The following ANK2 variants were observed in gnomAD, a reference collection of about 807,000 sequenced individuals.
The protein encoded by ANK2 is ankyrin 2, also known as ankyrin-2.
In ANK2, 83 loss-of-function variants were observed where a neutral mutation model predicts 360.5. The observed-to-expected ratio is 0.23, with a 90% CI of 0.19 to 0.28. ANK2 has a LOEUF of 0.28. ANK2 is among the 10% of genes least tolerant of loss of function. ANK2 has a pLI of 1.00. For synonymous variants in ANK2, 1,740 were observed against 1,759.5 expected (o/e 0.99, Z 0.28); for missense variants, 4,201 against 4,795.7 (o/e 0.88, Z 3.66).
At chr4:113,171,535 G>T (rs1255145956) in intron 1 of ANK2, among the ~76,000 whole-genome samples, 4 of 151,990 alleles carry the variant, frequency 2.6e-5, no homozygotes, top group African/African-American at 9.7e-5. Context: ...TCACTTTGGG[G>T]GAAACCAAAT....
intron 1 of ANK2, among the ~76,000 whole-genome samples, chr4:113,069,378 C>T (rs1166928950): frequency 6.6e-6 from 1 of 152,186 alleles, no homozygotes; most frequent in African/African-American, 2.4e-5. Flanking sequence ...TCCAGGTCTC[C>T]AGCACAGGCT....
intron 2 of ANK2, among the ~76,000 whole-genome samples, chr4:112,925,277 G>C (rs2092379508): frequency 6.6e-6 from 1 of 152,102 alleles, no homozygotes; most frequent in Non-Finnish European, 1.5e-5. Context: ...AGAAAGAAAA[G>C]AGCAAAGAAT....
chr4:113,276,157 G>A (rs1278854563), intron 15 of ANK2, among the ~76,000 whole-genome samples: 1 of 151,912 alleles, frequency 6.6e-6, no homozygotes. Flanking sequence ...TAGCCAGGAT[G>A]GACTCGATCT....
At chr4:113,035,194 G>A (rs1244402996) in intron 2 of ANK2, among the ~76,000 whole-genome samples, 1 of 151,596 alleles carries the variant, frequency 6.6e-6, no homozygotes, top group East Asian at 1.9e-4. Context: ...TGTGCTGCAG[G>A]TGGGTTGGGA....
intron 2 of ANK2, among the ~76,000 whole-genome samples, chr4:113,186,455 C>A (rs1251467114): frequency 6.6e-6 from 1 of 152,020 alleles, no homozygotes; most frequent in Non-Finnish European, 1.5e-5. Flanking sequence ...AAAACCAGGG[C>A]AAAAAGGCTG....
rs28503757 is a variant in ANK2 at position 113,174,272 on chromosome 4, T to G, written c.85-144T>G. The G allele has an allele frequency of 6.3e-4, 401 of 639,368 alleles. 2 individuals carry two copies. The African/African-American group carries it at 6.8e-3, about 11-fold the overall frequency. 39.6% of individuals were successfully genotyped at this position (639,368 alleles called of 1,614,324 possible). A position where few individuals can be genotyped will look rare whatever the true frequency, so the allele number is the denominator to read the frequency against. ...AGTTGCTACCTTATATAGTGAATGA[T>G]TATTCAATGTTTTAAACTCCGTATT... On this transcript the variant is annotated intron_variant, in intron 1 of 45. Coordinates refer to ENST00000357077, the MANE Select transcript of ANK2 (RefSeq NM_001148.6).
chr4:112,889,790 C>T (rs73840923), intron 1 of ANK2, among the ~76,000 whole-genome samples: 7,454 of 152,102 alleles, frequency 0.049, 201 homozygotes, highest in Middle Eastern at 0.075. Flanking sequence ...TAGGGAGTTG[C>T]GTGAGTTATG....
chr4:113,046,425 C>CCAGTGTG (rs747651918), upstream of ANK2, among the ~76,000 whole-genome samples: 3 of 152,024 alleles, frequency 2.0e-5, no homozygotes, highest in Non-Finnish European at 2.9e-5. Flanking sequence ...AACTTAACCC[C>CCAGTGTG]CAGTGTGATG....
chr4:113,357,203 A>G lies in ANK2; in HGVS notation c.8585A>G (p.Asp2862Gly). ...HCLVSEGKEL[D>G]EDISATSSIQ... is the part of the protein sequence containing the mutation. Reference sequence around the variant, plus strand: ...TTGGTATCTGAAGGAAAAGAATTAGATGAAGACATATCTGCCACATCTTCT... The same window carrying G: ...TTGGTATCTGAAGGAAAAGAATTAGGTGAAGACATATCTGCCACATCTTCT... The change falls in exon 38 of 46, where the codon GAT (aspartate) becomes GGT (glycine). Residue 2862 changes from aspartate (D) to glycine (G), a missense_variant. By Grantham distance (94) the Asp-to-Gly change is moderately conservative. This residue lies in a region of ANK2 where 2,642 missense variants were observed against 2,714.5 expected (regional missense o/e 0.97). Transcript: ENST00000357077. 1 of 1,614,090 alleles carries G rather than the reference A, an allele frequency of 6.2e-7. No individual in the cohort carries two copies. The highest frequency in any genetic ancestry group is 8.5e-7 in the Non-Finnish European group (1 of 1,179,980).
chr4:113,356,414 A>T lies in ANK2; in HGVS notation c.7796A>T (p.Asp2599Val), dbSNP rs1321345282. 6.2e-7 allele frequency: 1 copy of T among 1,614,202 alleles called. No individual in the cohort carries two copies. Among genetic ancestry groups the T allele is most frequent in the South Asian group, 1.1e-5 (1 of 91,086 alleles). Residue 2599 changes from aspartate (D) to valine (V), a missense_variant, in exon 38 of 46, where the codon GAT becomes GTT. Around this residue, in one of 4 missense-constraint regions of ANK2, gnomAD observed 2,642 missense variants for 2,714.5 expected, o/e 0.97. Coordinates refer to ENST00000357077, the MANE Select transcript of ANK2 (RefSeq NM_001148.6). ...ATGGTAACCAAAATCAAAATGTTTGATGAACTTGAACAAGAAGCAAAGCAG... is the reference window on the plus strand; with the variant it reads ...ATGGTAACCAAAATCAAAATGTTTGTTGAACTTGAACAAGAAGCAAAGCAG... ...FKMVTKIKMF[D>V]ELEQEAKQKR...
chr4:113,283,777 T>C (rs1182055855), intron 18 of ANK2, among the ~76,000 whole-genome samples: 1 of 152,212 alleles, frequency 6.6e-6, no homozygotes, highest in Non-Finnish European at 1.5e-5. Context: ...CTTTTTGTAA[T>C]ACATTATATG....
At chr4:113,289,189 A>G (rs867775924) in intron 20 of ANK2, among the ~76,000 whole-genome samples, 5 of 151,214 alleles carry the variant, frequency 3.3e-5, no homozygotes, top group African/African-American at 1.2e-4. Context: ...CATTTATTTA[A>G]GTTCATATAT....
the ANK2 span, among the ~76,000 whole-genome samples, chr4:112,768,663 AAAACAAAC>A: frequency 3.3e-5 from 5 of 152,076 alleles, no homozygotes; most frequent in Admixed American, 6.5e-5. Context: ...TGCTCTTGAC[AAAACAAAC>A]AAACAAACAA....
At chr4:113,141,720 G>C (rs1479112546) in intron 1 of ANK2, among the ~76,000 whole-genome samples, 1 of 152,054 alleles carries the variant, frequency 6.6e-6, no homozygotes, top group African/African-American at 2.4e-5. Context: ...TTTCCTGATG[G>C]TTCTGTAATC....
chr4:113,216,270 C>T (rs1348300243), intron 4 of ANK2, among the ~76,000 whole-genome samples: 1 of 152,208 alleles, frequency 6.6e-6, no homozygotes, highest in Non-Finnish European at 1.5e-5. Flanking sequence ...TGAGGCCAAG[C>T]TACAGAATAC....
the ANK2 span, among the ~76,000 whole-genome samples, chr4:112,729,097 G>T: frequency 2.6e-5 from 4 of 152,028 alleles, no homozygotes; most frequent in African/African-American, 9.7e-5. Flanking sequence ...GTGCTTAGGG[G>T]ATGAGGCGGG....
intron 10 of ANK2, among the ~76,000 whole-genome samples, chr4:113,250,126 T>C (rs1211849320): frequency 6.6e-6 from 1 of 152,236 alleles, no homozygotes; most frequent in Non-Finnish European, 1.5e-5. Flanking sequence ...TCTGAATACA[T>C]CTGTATTTTA....
At chr4:113,038,395 G>C (rs767974946) in intron 2 of ANK2, among the ~76,000 whole-genome samples, 1 of 151,672 alleles carries the variant, frequency 6.6e-6, no homozygotes, top group Non-Finnish European at 1.5e-5. Flanking sequence ...TTTTTTAAAT[G>C]AATAAAGGGA....
intron 2 of ANK2, among the ~76,000 whole-genome samples, chr4:112,939,695 G>C (rs1195233615): frequency 1.3e-5 from 2 of 152,112 alleles, no homozygotes; most frequent in African/African-American, 4.8e-5. Flanking sequence ...TTGCAAAAAG[G>C]CATACTGTGA....
Sources: gnomAD v4.1 joint callset for allele counts (sites outside exome capture counted in the v4.1 genomes callset) on GRCh38, gnomAD v4.1.1 for gene constraint, gnomAD v4.1.1 regional missense constraint, MANE v1.5 for transcripts, NCBI Gene and HGNC (gene_info 2026-07-23, HGNC 2026-07-21) for gene names.